The following RBFOX3 variants were observed in gnomAD, a reference collection of about 807,000 sequenced individuals.
RBFOX3 encodes the protein RNA binding protein fox-1 homolog 3.
RBFOX3 carries 17 observed loss-of-function variants against 48.7 expected under a neutral mutation model. That is an observed-to-expected ratio of 0.35 (90% confidence interval 0.24 to 0.52). The LOEUF (loss-of-function observed/expected upper bound fraction) is 0.52, where lower values mean the gene tolerates loss of function less well. Among genes scored for constraint, RBFOX3 ranks in the 20% least tolerant of loss-of-function variants. The pLI is 0.94. For missense variants in RBFOX3, 382 were observed against 497.5 expected (o/e 0.77, Z 2.21); for synonymous variants, 212 against 209.5 (o/e 1.01, Z -0.10).
the RBFOX3 span, among the ~76,000 whole-genome samples, chr17:79,643,933 T>G: frequency 2.8e-4 from 43 of 151,990 alleles, no homozygotes; most frequent in Non-Finnish European, 5.4e-4. Context: ...AGAAATTGAG[T>G]AAATGGAAAA....
chr17:79,256,532 C>T (rs979108422), intron 3 of RBFOX3, among the ~76,000 whole-genome samples: 3 of 152,136 alleles, frequency 2.0e-5, no homozygotes, highest in East Asian at 1.9e-4. Flanking sequence ...CCTGCTACAG[C>T]CCTTAATGTA....
chr17:79,553,761 C>A (rs1736422903), intron 1 of RBFOX3, among the ~76,000 whole-genome samples: 1 of 152,116 alleles, frequency 6.6e-6, no homozygotes, highest in African/African-American at 2.4e-5. Flanking sequence ...CTCTCTCTCT[C>A]TCTCTCTGTT....
intron 3 of RBFOX3, among the ~76,000 whole-genome samples, chr17:79,251,145 C>A (rs1348535019): frequency 6.6e-6 from 1 of 152,056 alleles, no homozygotes; most frequent in Non-Finnish European, 1.5e-5. Context: ...CAGCAGCTCC[C>A]CTTCTCCCTT....
At chr17:79,587,239 G>A (rs1031115738) in intron 1 of RBFOX3, among the ~76,000 whole-genome samples, 3 of 152,188 alleles carry the variant, frequency 2.0e-5, no homozygotes, top group East Asian at 1.9e-4. Flanking sequence ...GGCTGGTCAC[G>A]AGAGCCCTTT....
At chr17:79,499,716 A>T (rs1454370546) in intron 1 of RBFOX3, among the ~76,000 whole-genome samples, 1 of 152,246 alleles carries the variant, frequency 6.6e-6, no homozygotes, top group Non-Finnish European at 1.5e-5. Flanking sequence ...TAACTTTCTC[A>T]TTGGGTTACC....
chr17:79,658,285 C>T, the RBFOX3 span, among the ~76,000 whole-genome samples: 1 of 148,964 alleles, frequency 6.7e-6, no homozygotes, highest in African/African-American at 2.5e-5. Flanking sequence ...GTCTCCTCCT[C>T]CTCCACCCTT....
At chr17:79,315,486 G>C (rs1025109956) in intron 2 of RBFOX3, among the ~76,000 whole-genome samples, 4 of 152,252 alleles carry the variant, frequency 2.6e-5, no homozygotes, top group Non-Finnish European at 5.9e-5. Flanking sequence ...TCCCCCGACA[G>C]ATGGGACCCG....
At chr17:79,549,940 C>G (rs1307438050) in intron 1 of RBFOX3, among the ~76,000 whole-genome samples, 1 of 152,078 alleles carries the variant, frequency 6.6e-6, no homozygotes, top group African/African-American at 2.4e-5. Context: ...ACCACACACA[C>G]CAAAAAAAAA....
chr17:79,108,994 G>C (rs1599462459), intron 5 of RBFOX3, among the ~76,000 whole-genome samples: 1 of 152,270 alleles, frequency 6.6e-6, no homozygotes, highest in East Asian at 1.9e-4. Context: ...CACAGCGTGG[G>C]AACCGCTGTC....
At chr17:79,408,996 C>G (rs1468675163) in intron 2 of RBFOX3, among the ~76,000 whole-genome samples, 1 of 152,216 alleles carries the variant, frequency 6.6e-6, no homozygotes, top group Non-Finnish European at 1.5e-5. Context: ...CATCACCAGC[C>G]CCTGCCACCT....
chr17:79,490,089 C>T (rs1483053325), intron 1 of RBFOX3, among the ~76,000 whole-genome samples: 2 of 152,206 alleles, frequency 1.3e-5, no homozygotes, highest in Non-Finnish European at 2.9e-5. Flanking sequence ...CAGCTTAATT[C>T]CTGGCTCCCC....
At chr17:79,417,404 GAGCACC>G (rs2065550843) in intron 2 of RBFOX3, among the ~76,000 whole-genome samples, 1 of 152,202 alleles carries the variant, frequency 6.6e-6, no homozygotes, top group Non-Finnish European at 1.5e-5. Flanking sequence ...CCCTTCCAGA[GAGCACC>G]AGCGGCCTGG....
chr17:79,398,692 G>A (rs534672406), intron 2 of RBFOX3, among the ~76,000 whole-genome samples: 13 of 152,328 alleles, frequency 8.5e-5, no homozygotes, highest in Admixed American at 2.0e-4. Context: ...CTGAGAGAGC[G>A]GAATTACCCT....
chr17:79,339,760 T>C (rs1447737616), intron 2 of RBFOX3, among the ~76,000 whole-genome samples: 2 of 152,246 alleles, frequency 1.3e-5, no homozygotes, highest in African/African-American at 4.8e-5. Flanking sequence ...ATTTTGGTCC[T>C]AACCTTAGAC....
At chr17:79,510,694 C>G (rs1484005238) in intron 1 of RBFOX3, among the ~76,000 whole-genome samples, 1 of 152,186 alleles carries the variant, frequency 6.6e-6, no homozygotes, top group East Asian at 1.9e-4. Context: ...CAGGGCCCAG[C>G]GCCCCTACGA....
chr17:79,459,214 T>C (rs2075035901), intron 2 of RBFOX3, among the ~76,000 whole-genome samples: 2 of 152,154 alleles, frequency 1.3e-5, no homozygotes, highest in Non-Finnish European at 2.9e-5. Flanking sequence ...ACAGCAGCAA[T>C]GCCGCAGCGT....
At chr17:79,379,455 A>G (rs943872277) in intron 2 of RBFOX3, among the ~76,000 whole-genome samples, 1 of 152,190 alleles carries the variant, frequency 6.6e-6, no homozygotes, top group African/African-American at 2.4e-5. Flanking sequence ...TAAGGGAGAC[A>G]CACACTTGTC....
intron 2 of RBFOX3, among the ~76,000 whole-genome samples, chr17:79,343,932 C>T (rs532904113): frequency 6.6e-6 from 1 of 152,288 alleles, no homozygotes; most frequent in East Asian, 1.9e-4. Flanking sequence ...CGGCTGCATG[C>T]ACAGGACCAT....
chr17:79,163,712 C>G (rs1211261182), intron 4 of RBFOX3, among the ~76,000 whole-genome samples: 2 of 144,124 alleles, frequency 1.4e-5, no homozygotes, highest in Non-Finnish European at 3.1e-5. Context: ...CCACTTGCTT[C>G]CCTCCTGGCT....
Sources: allele counts gnomAD v4.1 joint callset (sites outside exome capture counted in the v4.1 genomes callset), GRCh38; gene constraint gnomAD v4.1.1; transcripts MANE v1.5; gene names NCBI Gene and HGNC (gene_info 2026-07-23, HGNC 2026-07-21).